The following ZFAT variants were observed in gnomAD, a reference collection of about 807,000 sequenced individuals.
The protein encoded by ZFAT is zinc finger protein ZFAT.
Under a neutral mutation model 117.7 loss-of-function variants are expected in ZFAT, and 64 were observed. The ratio of observed to expected loss-of-function variants is 0.54; its 90% CI spans 0.44 to 0.67. The LOEUF (loss-of-function observed/expected upper bound fraction) is 0.67, where lower values mean the gene tolerates loss of function less well. ZFAT is among the 30% of genes least tolerant of loss of function. The pLI, the probability that ZFAT is intolerant of heterozygous loss-of-function variation, is 0.00. For missense variants in ZFAT, 1,433 were observed against 1,584.5 expected, an observed-to-expected ratio of 0.90 and a Z score of 1.62; for synonymous variants, 679 against 615.0, an observed-to-expected ratio of 1.10 and a Z score of -1.54.
At chr8:134,756,295 T>G in the ZFAT span, among the ~76,000 whole-genome samples, 55,691 of 152,048 alleles carry the variant, frequency 0.37, 10,405 homozygotes, top group Admixed American at 0.46. Context: ...ACCTCCAGAT[T>G]CTCATTTGGT....
chr8:134,751,372 C>T, the ZFAT span, among the ~76,000 whole-genome samples: 1 of 152,090 alleles, frequency 6.6e-6, no homozygotes, highest in East Asian at 1.9e-4. Flanking sequence ...AGGTTCAGAA[C>T]CCTTAAAAGT....
At chr8:134,525,539 C>T (rs774472157) in intron 12 of ZFAT, among the ~76,000 whole-genome samples, 5 of 152,184 alleles carry the variant, frequency 3.3e-5, no homozygotes, top group Admixed American at 2.0e-4. Context: ...AGTCATCTCC[C>T]AGATGCAGTT....
chr8:134,729,634 C>T, the ZFAT span, among the ~76,000 whole-genome samples: 6 of 152,186 alleles, frequency 3.9e-5, no homozygotes, highest in East Asian at 5.8e-4. Context: ...TGTCAGGCCC[C>T]GCTTCTGACT....
At chr8:134,590,184 A>T in intron 8 of ZFAT, 84 bp downstream of exon 8, 1 of 994,328 alleles carries the variant, frequency 1.0e-6, no homozygotes, top group Non-Finnish European at 1.5e-6. Flanking sequence ...ATTTCTATAT[A>T]GTGCAGTTAA....
intron 12 of ZFAT, 64 bp from the exon 13 acceptor site, chr8:134,521,065 C>T (rs990782854): frequency 1.1e-4 from 136 of 1,202,378 alleles, no homozygotes; most frequent in South Asian, 4.5e-4. Flanking sequence ...GCAACAGTTC[C>T]TCCTCCTGTT....
intron 1 of ZFAT, among the ~76,000 whole-genome samples, chr8:134,679,399 G>A (rs1024618846): frequency 1.3e-5 from 2 of 152,130 alleles, no homozygotes; most frequent in African/African-American, 2.4e-5. Flanking sequence ...ATACCATCTC[G>A]CACCAGTTAG....
the ZFAT span, among the ~76,000 whole-genome samples, chr8:134,725,147 C>T: frequency 2.6e-5 from 4 of 152,104 alleles, no homozygotes; most frequent in East Asian, 7.7e-4. Context: ...CCTTCCTGCC[C>T]GTTTCCTGGG....
In ZFAT at chr8:134,520,348, C is replaced by T. The variant is rs189668760; in HGVS notation, c.3234+535G>A. Among the ~76,000 whole-genome samples the T allele has an allele frequency of 1.3e-3, 204 of 152,206 alleles. 1 individual carries two copies. The highest frequency in any genetic ancestry group is 4.5e-3 in the African/African-American group (188 of 41,532). ...CTGCCTTAGATAACTGCAATTAGTC[C>T]GTGGTGGCAATACCTAGTATCTGAA... On this transcript the variant is annotated intron_variant, in intron 13 of 15. Transcript: ENST00000377838.
At chr8:134,711,024 T>TA (rs1397314599) in intron 1 of ZFAT, among the ~76,000 whole-genome samples, 1 of 152,272 alleles carries the variant, frequency 6.6e-6, no homozygotes, top group African/African-American at 2.4e-5. Flanking sequence ...CATCAGCTGC[T>TA]AAACAACAGA....
chr8:134,504,485 A>T (rs1819244931), intron 15 of ZFAT, among the ~76,000 whole-genome samples: 1 of 152,222 alleles, frequency 6.6e-6, no homozygotes, highest in South Asian at 2.1e-4. Context: ...CGGTGAACCC[A>T]GGAACAAGAG....
intron 11 of ZFAT, among the ~76,000 whole-genome samples, chr8:134,538,509 TA>T (rs1456446982): frequency 7.9e-5 from 12 of 152,172 alleles, no homozygotes; most frequent in African/African-American, 2.9e-4. Context: ...TCTCAAAAGG[TA>T]TATTGGGCCA....
chr8:134,778,746 CTAAA>C, the ZFAT span, among the ~76,000 whole-genome samples: 1 of 152,288 alleles, frequency 6.6e-6, no homozygotes, highest in East Asian at 1.9e-4. Flanking sequence ...TCAAGGACAA[CTAAA>C]TATCAAAGTG....
In ZFAT at chr8:134,687,261, C is replaced by T. The variant is rs199816823; in HGVS notation, c.19+25584G>A. Among the ~76,000 whole-genome samples, 20 of 152,242 alleles carry T rather than the reference C, an allele frequency of 1.3e-4. No homozygotes were observed. In the East Asian group the frequency reaches 3.5e-3, roughly 26 times the overall value. On this transcript the variant is annotated intron_variant, in intron 1 of 15. Transcript: ENST00000377838. ...CAACTCCCATAGCTCACACAGTTAA[C>T]GTGTTTATTAAAGGCAAGAGAGAAA...
the ZFAT span, among the ~76,000 whole-genome samples, chr8:134,764,016 C>G: frequency 6.6e-6 from 1 of 152,200 alleles, no homozygotes; most frequent in Non-Finnish European, 1.5e-5. Flanking sequence ...ATGTATGTAA[C>G]AGCAAGGGGT....
intron 11 of ZFAT, among the ~76,000 whole-genome samples, chr8:134,549,960 G>A (rs1377584909): frequency 2.0e-5 from 3 of 152,166 alleles, no homozygotes; most frequent in Non-Finnish European, 4.4e-5. Context: ...AGGACCTCAG[G>A]GAGTGAGGGG....
chr8:134,591,573 A>G (rs1351186031), intron 7 of ZFAT, among the ~76,000 whole-genome samples: 1 of 152,240 alleles, frequency 6.6e-6, no homozygotes, highest in African/African-American at 2.4e-5. Flanking sequence ...CTAACCTCCA[A>G]TACCTCAGAA....
Position 134,608,797 on chromosome 8 carries a change from C to T in ZFAT, c.717G>A (p.Val239=), listed in dbSNP as rs751618817. The T allele has an allele frequency of 5.0e-6, 8 of 1,611,048 alleles. No individual in the cohort carries two copies. The highest frequency in any genetic ancestry group is 1.6e-4 in the Middle Eastern group (1 of 6,078). The change falls in exon 5 of 16, where the codon GTG becomes GTA. Residue 239 remains valine, a synonymous_variant. Transcript: ENST00000377838. The stretch of plus-strand genomic sequence containing the variant: ...CGTATTCCTGGTAGCCTCTCCGAGG[C>T]ACCAGGTCTGCTGAAGTGGTCTCAG... ...TNSETTSADL[V]PRRGYQEYAI... is the part of the protein sequence containing the mutation.
At chr8:134,632,264 T>G (rs561749572) in intron 3 of ZFAT, among the ~76,000 whole-genome samples, 13 of 152,242 alleles carry the variant, frequency 8.5e-5, no homozygotes, top group Non-Finnish European at 1.9e-4. Flanking sequence ...ATGACTTTCT[T>G]AGTAACATTT....
chr8:134,590,732 A>ACC (rs1165469584), intron 7 of ZFAT, among the ~76,000 whole-genome samples: 1 of 55,708 alleles, frequency 1.8e-5, no homozygotes, highest in Admixed American at 2.9e-4. Flanking sequence ...CACCACCACC[A>ACC]ACACCACCAC....
Sources: allele counts gnomAD v4.1 joint callset (sites outside exome capture counted in the v4.1 genomes callset), GRCh38; gene constraint gnomAD v4.1.1; transcripts MANE v1.5; gene names NCBI Gene and HGNC (gene_info 2026-07-23, HGNC 2026-07-21).